The following ELP4 variants were observed in gnomAD, a reference collection of about 807,000 sequenced individuals.
ELP4 encodes elongator acetyltransferase complex subunit 4, also known as elongator complex protein 4.
ELP4 carries 51 observed loss-of-function variants against 48.9 expected under a neutral mutation model. The ratio of observed to expected loss-of-function variants is 1.04; its 90% confidence interval spans 0.83 to 1.32. The LOEUF is 1.32. Among genes scored for constraint, ELP4 ranks in the 40% most tolerant of loss-of-function variants. The pLI, the probability that ELP4 is intolerant of heterozygous loss-of-function variation, is 0.00. For synonymous variants in ELP4, 210 were observed against 189.2 expected (o/e 1.11, Z -0.90); for missense variants, 519 against 514.6 (o/e 1.01, Z -0.08).
At chr11:31,721,213 C>T (rs1329372729) in intron 9 of ELP4, among the ~76,000 whole-genome samples, 1 of 152,154 alleles carries the variant, frequency 6.6e-6, no homozygotes, top group Non-Finnish European at 1.5e-5. Context: ...GAGCTGCCTT[C>T]AGCATTCATG....
chr11:31,525,125 A>G (rs112367666), intron 2 of ELP4, among the ~76,000 whole-genome samples: 154 of 152,316 alleles, frequency 1.0e-3, no homozygotes, highest in Middle Eastern at 6.8e-3. Context: ...CCACAAGTAC[A>G]GTGTTGATTA....
chr11:31,692,015 A>G (rs1946291964), intron 9 of ELP4, among the ~76,000 whole-genome samples: 1 of 152,216 alleles, frequency 6.6e-6, no homozygotes, highest in African/African-American at 2.4e-5. Context: ...TAAGGATTTA[A>G]GCATTTTGTC....
chr11:31,704,344 G>A (rs887805542), intron 9 of ELP4, among the ~76,000 whole-genome samples: 2 of 152,110 alleles, frequency 1.3e-5, no homozygotes, highest in Non-Finnish European at 2.9e-5. Context: ...GTAGGGACAT[G>A]GATGAAGCTG....
At chr11:31,514,708 A>C (rs1592072806) in intron 1 of ELP4, among the ~76,000 whole-genome samples, 1 of 152,282 alleles carries the variant, frequency 6.6e-6, no homozygotes, top group East Asian at 1.9e-4. Context: ...GAATTAGATA[A>C]AATTACTAAT....
In ELP4 at chr11:31,632,405, G is replaced by A; in HGVS notation, c.927G>A (p.Gln309=). ...CIITMPTHLI[Q]NKAIIARVTT... ...TCACAATGCCAACACATCTGATCCA[G>A]GTACGAAATTTCCAGAACTACTTTT... The change falls in exon 7 of 10, where the codon CAG becomes CAA. Residue 309 remains glutamine (Q), a splice_region_variant and synonymous_variant. Transcript: ENST00000640961. 1 of 1,599,714 alleles carries A rather than the reference G, an allele frequency of 6.3e-7. No homozygotes were observed. Among genetic ancestry groups the A allele is most frequent in the Non-Finnish European group, 8.5e-7 (1 of 1,175,384 alleles).
intron 9 of ELP4, among the ~76,000 whole-genome samples, chr11:31,743,887 AACTT>A (rs1375431756): frequency 1.3e-5 from 2 of 152,206 alleles, no homozygotes; most frequent in East Asian, 3.8e-4. Flanking sequence ...GGCAAGAAAT[AACTT>A]AGAGCAGAAC....
At chr11:31,539,567 A>T in intron 2 of ELP4, 95 bp from the exon 3 acceptor site, 1 of 1,325,946 alleles carries the variant, frequency 7.5e-7, no homozygotes, top group Non-Finnish European at 1.0e-6. Context: ...TTTAAGGAAA[A>T]AAAATATAAA....
chr11:31,560,482 C>G (rs1957000128), intron 3 of ELP4, among the ~76,000 whole-genome samples: 1 of 151,502 alleles, frequency 6.6e-6, no homozygotes, highest in Admixed American at 6.6e-5. Context: ...ACTTGCTTGC[C>G]TAATATGAAT....
chr11:31,666,105 T>C (rs1945669823), intron 9 of ELP4, among the ~76,000 whole-genome samples: 1 of 135,792 alleles, frequency 7.4e-6, no homozygotes, highest in African/African-American at 2.9e-5. Flanking sequence ...GCCTCCTGGG[T>C]TCAAGCAATT....
At chr11:31,556,920 A>T (rs1255018199) in intron 3 of ELP4, among the ~76,000 whole-genome samples, 1 of 151,910 alleles carries the variant, frequency 6.6e-6, no homozygotes, top group Non-Finnish European at 1.5e-5. Context: ...ATAATATTTT[A>T]ACATCAAATA....
chr11:31,550,707 TA>T (rs1433086676), intron 3 of ELP4, among the ~76,000 whole-genome samples: 5 of 152,194 alleles, frequency 3.3e-5, no homozygotes, highest in Non-Finnish European at 7.3e-5. Flanking sequence ...ATGAGAGGCA[TA>T]AGCAGGAGCT....
At chr11:31,527,293 A>G (rs1956310518) in intron 2 of ELP4, among the ~76,000 whole-genome samples, 1 of 152,068 alleles carries the variant, frequency 6.6e-6, no homozygotes, top group Non-Finnish European at 1.5e-5. Context: ...AGTCCCTGCC[A>G]TAACTAGAAT....
intron 9 of ELP4, among the ~76,000 whole-genome samples, chr11:31,782,418 G>A (rs1348682354): frequency 6.6e-6 from 1 of 151,934 alleles, no homozygotes; most frequent in Non-Finnish European, 1.5e-5. Context: ...CATCAGTGGG[G>A]AGCCCTATGC....
intron 9 of ELP4, among the ~76,000 whole-genome samples, chr11:31,655,927 C>A (rs1160521235): frequency 6.6e-6 from 1 of 151,994 alleles, no homozygotes; most frequent in Non-Finnish European, 1.5e-5. Flanking sequence ...TCAAACTTTT[C>A]ACTTACCTCT....
intron 9 of ELP4, among the ~76,000 whole-genome samples, chr11:31,706,247 C>T (rs928402649): frequency 2.0e-5 from 3 of 151,794 alleles, no homozygotes; most frequent in African/African-American, 4.8e-5. Flanking sequence ...TTTATTATTT[C>T]GTTGTGCTGG....
At chr11:31,732,759 A>C (rs1372648488) in intron 9 of ELP4, among the ~76,000 whole-genome samples, 1 of 152,230 alleles carries the variant, frequency 6.6e-6, no homozygotes, top group Non-Finnish European at 1.5e-5. Flanking sequence ...GAGTAGGAGT[A>C]GCCATACTTT....
intron 3 of ELP4, among the ~76,000 whole-genome samples, chr11:31,566,026 G>A (rs929104248): frequency 1.3e-5 from 2 of 152,108 alleles, no homozygotes; most frequent in Admixed American, 6.6e-5. Context: ...TCTTACATTT[G>A]TTTGTGTTAA....
intron 1 of ELP4, among the ~76,000 whole-genome samples, chr11:31,515,507 G>C (rs543283226): frequency 2.6e-5 from 4 of 152,014 alleles, no homozygotes; most frequent in Non-Finnish European, 5.9e-5. Flanking sequence ...AATTAAAAAA[G>C]AAAAAGAATT....
intron 9 of ELP4, among the ~76,000 whole-genome samples, chr11:31,754,541 C>A (rs1218091503): frequency 6.6e-6 from 1 of 152,016 alleles, no homozygotes; most frequent in African/African-American, 2.4e-5. Context: ...ATGACCTTCT[C>A]AGAAAGGCTT....
Sources: gnomAD v4.1 joint callset for allele counts (sites outside exome capture counted in the v4.1 genomes callset) on GRCh38, gnomAD v4.1.1 for gene constraint, MANE v1.5 for transcripts, NCBI Gene and HGNC (gene_info 2026-07-23, HGNC 2026-07-21) for gene names.